The following CNTNAP2 variants were observed in gnomAD, a reference collection of about 807,000 sequenced individuals.
CNTNAP2 encodes contactin associated protein 2, also known as contactin-associated protein-like 2.
CNTNAP2 carries 98 observed loss-of-function variants against 155.2 expected under a neutral mutation model. The ratio of observed to expected loss-of-function variants is 0.63; its 90% CI spans 0.54 to 0.75. The LOEUF (loss-of-function observed/expected upper bound fraction) is 0.75, where lower values mean the gene tolerates loss of function less well. CNTNAP2 is among the 30% of genes least tolerant of loss of function. CNTNAP2 has a pLI of 0.00. For synonymous variants in CNTNAP2, 651 were observed against 631.2 expected (o/e 1.03, Z -0.47); for missense variants, 1,727 against 1,688.1 (o/e 1.02, Z -0.40).
intron 15 of CNTNAP2, among the ~76,000 whole-genome samples, chr7:148,037,889 G>A (rs562335918): frequency 6.6e-6 from 1 of 152,068 alleles, no homozygotes; most frequent in South Asian, 2.1e-4. Flanking sequence ...CATGTTCTTT[G>A]ACTTACAGTA....
chr7:146,264,349 G>T (rs1188370794), intron 1 of CNTNAP2, among the ~76,000 whole-genome samples: 1 of 152,032 alleles, frequency 6.6e-6, no homozygotes, highest in Non-Finnish European at 1.5e-5. Context: ...CTCCTCAGAG[G>T]CTGAGACAGG....
At chr7:148,250,280 T>C (rs1418645733) in intron 20 of CNTNAP2, among the ~76,000 whole-genome samples, 3 of 152,222 alleles carry the variant, frequency 2.0e-5, no homozygotes, top group Non-Finnish European at 4.4e-5. Context: ...AGGCCTCTTA[T>C]TGGGCTCTAA....
intron 1 of CNTNAP2, among the ~76,000 whole-genome samples, chr7:146,398,748 C>G (rs1795670962): frequency 6.6e-6 from 1 of 152,048 alleles, no homozygotes; most frequent in Admixed American, 6.5e-5. Flanking sequence ...TGTGAAAAGT[C>G]AACCCTGCTT....
intron 14 of CNTNAP2, among the ~76,000 whole-genome samples, chr7:147,922,332 A>T (rs531831535): frequency 6.6e-6 from 1 of 152,336 alleles, no homozygotes; most frequent in South Asian, 2.1e-4. Flanking sequence ...GTATGTCAAT[A>T]TTGGGAGAAA....
chr7:147,378,182 G>T, intron 9 of CNTNAP2: 4 of 296,012 alleles, frequency 1.4e-5, no homozygotes, highest in South Asian at 2.9e-5. Flanking sequence ...TTAAATTTCT[G>T]AATGACATTG....
In CNTNAP2 at chr7:148,309,708, C is replaced by G. The variant is rs184293277; in HGVS notation, c.3475+42582C>G. Among the ~76,000 whole-genome samples, 80 of 152,180 alleles carry G rather than the reference C, an allele frequency of 5.3e-4. 2 individuals carry two copies. In the East Asian group the frequency reaches 0.012, roughly 22 times the overall value. On this transcript the variant is annotated intron_variant, in intron 21 of 23. Transcript: ENST00000361727. ...TGTCATCAGTTAAGGCATGAACAGGCCATTTTCACTTCTTTTGTGGTGGAA... is the reference window on the plus strand; with the variant it reads ...TGTCATCAGTTAAGGCATGAACAGGGCATTTTCACTTCTTTTGTGGTGGAA...
At position 147,272,537 on chromosome 7, in the gene CNTNAP2, C is replaced by T. The variant is rs186905954; in HGVS notation, c.1349-27604C>T. 1.8e-4 allele frequency among the ~76,000 whole-genome samples: 27 copies of T among 151,924 alleles called. No individual in the cohort carries two copies. The East Asian group carries it at 5.1e-3, about 29-fold the overall frequency. On this transcript the variant is annotated intron_variant, in intron 8 of 23. Transcript: ENST00000361727. ...TTTTCGAGACAGAGTCCGGCTCTGT[C>T]GCCCAGGCTGGAGTGCAGTGGCGCC...
At chr7:147,992,087 C>CTTTTTTTTTTTTTTTT (rs36015914) in intron 15 of CNTNAP2, among the ~76,000 whole-genome samples, 2 of 72,770 alleles carry the variant, frequency 2.7e-5, no homozygotes, top group African/African-American at 5.7e-5. Flanking sequence ...ATTACTACCT[C>CTTTTTTTTTTTTTTTT]TTTTTTTTTT....
chr7:146,209,385 T>G (rs188378697), intron 1 of CNTNAP2, among the ~76,000 whole-genome samples: 2 of 152,212 alleles, frequency 1.3e-5, no homozygotes, highest in Non-Finnish European at 2.9e-5. Flanking sequence ...CCTGTTCTTA[T>G]GCAACATCAG....
At chr7:146,696,009 A>G (rs555564759) in intron 1 of CNTNAP2, among the ~76,000 whole-genome samples, 2 of 152,256 alleles carry the variant, frequency 1.3e-5, no homozygotes, top group East Asian at 3.9e-4. Flanking sequence ...ATTTCTTAAC[A>G]GATCTTAGTC....
rs1166848023 is a variant in CNTNAP2 at position 146,604,332 on chromosome 7, A to T, written c.98-169939A>T. 7.5e-3 allele frequency among the ~76,000 whole-genome samples: 965 copies of T among 129,030 alleles called. 13 individuals carry two copies. The highest frequency in any genetic ancestry group is 0.03 in the African/African-American group (921 of 31,022). 84.6% of individuals were successfully genotyped at this position (129,030 alleles called of 152,430 possible). On this transcript the variant is annotated intron_variant, in intron 1 of 23. Transcript: ENST00000361727. ...AAAAACACATGAAAAAATGCTCATC[A>T]TCACTGGCCATCAGAGAAATGCAAA...
At chr7:147,033,274 T>C (rs751672291) in intron 3 of CNTNAP2, among the ~76,000 whole-genome samples, 27 of 148,638 alleles carry the variant, frequency 1.8e-4, no homozygotes, top group Non-Finnish European at 3.0e-4. Context: ...TTTAGCATAG[T>C]TCAAGTGAAT....
chr7:147,554,462 G>A (rs888203525), intron 11 of CNTNAP2, among the ~76,000 whole-genome samples: 1 of 152,020 alleles, frequency 6.6e-6, no homozygotes, highest in African/African-American at 2.4e-5. Context: ...GGCTGGGTAT[G>A]GGGAAGGGAG....
At chr7:148,200,401 C>G (rs1369420235) in intron 18 of CNTNAP2, among the ~76,000 whole-genome samples, 2 of 151,246 alleles carry the variant, frequency 1.3e-5, no homozygotes, top group Non-Finnish European at 2.9e-5. Flanking sequence ...TTCTTTCTTT[C>G]TCTCTCTTTT....
chr7:147,048,335 A>G (rs80175530), intron 4 of CNTNAP2, among the ~76,000 whole-genome samples: 10,246 of 152,162 alleles, frequency 0.067, 431 homozygotes, highest in Middle Eastern at 0.13. Context: ...ATATGGCGAT[A>G]AGCCAAGGAA....
intron 13 of CNTNAP2, among the ~76,000 whole-genome samples, chr7:147,835,411 CAGATAGTGGCCA>C (rs1161245076): frequency 1.3e-5 from 2 of 152,124 alleles, no homozygotes; most frequent in African/African-American, 4.8e-5. Context: ...TGTCACACAG[CAGATAGTGGCCA>C]AGATAGTGGC....
intron 21 of CNTNAP2, among the ~76,000 whole-genome samples, chr7:148,270,242 A>T (rs1407713785): frequency 6.6e-6 from 1 of 152,258 alleles, no homozygotes; most frequent in African/African-American, 2.4e-5. Flanking sequence ...GTGCAAAGCT[A>T]AAAGTGTACC....
chr7:147,380,897 C>A (rs1378610898), intron 9 of CNTNAP2, among the ~76,000 whole-genome samples: 1 of 152,114 alleles, frequency 6.6e-6, no homozygotes, highest in South Asian at 2.1e-4. Context: ...AATAGCAGAG[C>A]CATCCCCCAT....
intron 15 of CNTNAP2, among the ~76,000 whole-genome samples, chr7:148,066,255 T>C (rs1019446925): frequency 6.6e-6 from 1 of 152,220 alleles, no homozygotes; most frequent in African/African-American, 2.4e-5. Flanking sequence ...CTAATGACTA[T>C]GTGCTAGGTG....
Sources: allele counts gnomAD v4.1 joint callset (sites outside exome capture counted in the v4.1 genomes callset), GRCh38; gene constraint gnomAD v4.1.1; transcripts MANE v1.5; gene names NCBI Gene and HGNC (gene_info 2026-07-23, HGNC 2026-07-21).